Variants in CNTNAP2 observed in about 807,000 individuals in gnomAD.
The protein encoded by CNTNAP2 is contactin-associated protein-like 2.
A neutral mutation model predicts 155.2 loss-of-function variants in CNTNAP2; 98 were observed. The ratio of observed to expected loss-of-function variants is 0.63; its 90% CI spans 0.54 to 0.75. The LOEUF (loss-of-function observed/expected upper bound fraction) is 0.75, where lower values mean the gene tolerates loss of function less well. Ranked by LOEUF, CNTNAP2 falls within the 30% of genes least tolerant of loss-of-function variation. CNTNAP2 has a pLI of 0.00. For synonymous variants in CNTNAP2, 651 were observed against 631.2 expected (o/e 1.03, Z -0.47); for missense variants, 1,727 against 1,688.1 (o/e 1.02, Z -0.40).
At chr7:147,550,640 G>C (rs978513841) in intron 11 of CNTNAP2, among the ~76,000 whole-genome samples, 4 of 152,174 alleles carry the variant, frequency 2.6e-5, no homozygotes, top group Non-Finnish European at 5.9e-5. Context: ...GCTGATGTGG[G>C]GAGAGGAGCA....
chr7:147,358,123 T>A (rs1015928429), intron 9 of CNTNAP2, among the ~76,000 whole-genome samples: 1 of 152,152 alleles, frequency 6.6e-6, no homozygotes, highest in African/African-American at 2.4e-5. Context: ...AAATGTAACT[T>A]GAATGATAGC....
chr7:147,266,197 A>G lies in CNTNAP2; in HGVS notation c.1349-33944A>G, dbSNP rs150757555. 5.2e-3 allele frequency among the ~76,000 whole-genome samples: 797 copies of G among 152,318 alleles called. 10 individuals carry two copies. Among genetic ancestry groups the G allele is most frequent in the Middle Eastern group, 0.031 (9 of 294 alleles). On this transcript the variant is annotated intron_variant, in intron 8 of 23. Coordinates refer to ENST00000361727, the MANE Select transcript of CNTNAP2 (RefSeq NM_014141.6). ...TGAGTAATAACTGTTGAGCTAAAGA[A>G]GCATGTTCTAACCCAATACCAAAAA...
At chr7:146,985,343 A>T (rs9640488) in intron 3 of CNTNAP2, among the ~76,000 whole-genome samples, 5 of 139,804 alleles carry the variant, frequency 3.6e-5, no homozygotes, top group Non-Finnish European at 6.1e-5. Flanking sequence ...TTTTTGAGAC[A>T]GTCTTGCTCT....
chr7:146,927,936 TAGAG>T (rs556190245), intron 3 of CNTNAP2, among the ~76,000 whole-genome samples: 125 of 148,006 alleles, frequency 8.4e-4, no homozygotes, highest in Admixed American at 9.6e-4. Context: ...AGTGTATATA[TAGAG>T]AAAGTTATAT....
chr7:146,555,290 C>A (rs1406441724), intron 1 of CNTNAP2, among the ~76,000 whole-genome samples: 2 of 152,284 alleles, frequency 1.3e-5, no homozygotes, highest in East Asian at 3.9e-4. Context: ...GAAAAGAAAC[C>A]TTTGCTTTAG....
intron 12 of CNTNAP2, among the ~76,000 whole-genome samples, chr7:147,628,570 A>G (rs923099610): frequency 1.3e-5 from 2 of 152,194 alleles, no homozygotes; most frequent in Non-Finnish European, 2.9e-5. Context: ...TTAAAACAAA[A>G]CATAAGGTAT....
chr7:147,329,706 G>T (rs1214446120), intron 9 of CNTNAP2, among the ~76,000 whole-genome samples: 3 of 151,354 alleles, frequency 2.0e-5, no homozygotes, highest in Non-Finnish European at 4.4e-5. Context: ...CTTGATATAT[G>T]GTTCTTACTT....
At chr7:146,950,654 T>C (rs1797291473) in intron 3 of CNTNAP2, among the ~76,000 whole-genome samples, 6 of 152,216 alleles carry the variant, frequency 3.9e-5, no homozygotes, top group Non-Finnish European at 7.3e-5. Flanking sequence ...TAATATTCCA[T>C]GGTGTATATG....
intron 11 of CNTNAP2, among the ~76,000 whole-genome samples, chr7:147,498,181 A>AAG (rs1347184201): frequency 4.1e-4 from 62 of 150,932 alleles, no homozygotes; most frequent in Non-Finnish European, 6.6e-4. Context: ...TAAAAAAAAA[A>AAG]AAAAAAAAAA....
chr7:147,362,208 C>G (rs1412327651), intron 9 of CNTNAP2, among the ~76,000 whole-genome samples: 1 of 152,200 alleles, frequency 6.6e-6, no homozygotes, highest in Non-Finnish European at 1.5e-5. Context: ...TCACAGCTCA[C>G]TACAGCCTCA....
At chr7:146,865,591 C>T (rs1795189155) in intron 3 of CNTNAP2, among the ~76,000 whole-genome samples, 1 of 151,898 alleles carries the variant, frequency 6.6e-6, no homozygotes, top group Non-Finnish European at 1.5e-5. Context: ...AAATGATATC[C>T]ATATGGAGAA....
chr7:146,499,578 T>TA (rs1167809424), intron 1 of CNTNAP2, among the ~76,000 whole-genome samples: 5 of 152,256 alleles, frequency 3.3e-5, no homozygotes, highest in African/African-American at 9.6e-5. Context: ...TTCTTTTTTT[T>TA]ATCCCTCCCC....
At chr7:147,416,057 T>G (rs988465101) in intron 10 of CNTNAP2, among the ~76,000 whole-genome samples, 5 of 152,216 alleles carry the variant, frequency 3.3e-5, no homozygotes, top group Admixed American at 3.3e-4. Flanking sequence ...TGCTTATAGT[T>G]TTTGCAGTCT....
intron 1 of CNTNAP2, among the ~76,000 whole-genome samples, chr7:146,539,399 C>A (rs998135498): frequency 2.0e-5 from 3 of 151,922 alleles, no homozygotes; most frequent in Non-Finnish European, 4.4e-5. Context: ...GGACAAAAAA[C>A]CAACCCATCC....
intron 13 of CNTNAP2, among the ~76,000 whole-genome samples, chr7:147,900,040 C>A (rs532081346): frequency 4.6e-5 from 7 of 152,302 alleles, no homozygotes; most frequent in African/African-American, 1.2e-4. Flanking sequence ...TCTCTAGTGA[C>A]CTTCCAGCTG....
intron 2 of CNTNAP2, among the ~76,000 whole-genome samples, chr7:146,791,515 A>G (rs374992363): frequency 6.6e-6 from 1 of 152,218 alleles, no homozygotes; most frequent in Admixed American, 6.5e-5. Flanking sequence ...AGAGATGCCA[A>G]TCAGAACTCA....
chr7:147,913,720 ACT>A (rs1800109130), intron 14 of CNTNAP2, among the ~76,000 whole-genome samples: 1 of 152,108 alleles, frequency 6.6e-6, no homozygotes, highest in South Asian at 2.1e-4. Context: ...CTCCTCCAAC[ACT>A]CAGCCAGTTA....
intron 9 of CNTNAP2, among the ~76,000 whole-genome samples, chr7:147,329,270 T>A (rs943260080): frequency 6.6e-6 from 1 of 152,076 alleles, no homozygotes; most frequent in African/African-American, 2.4e-5. Context: ...CTTTTATAAT[T>A]CTTACACATT....
intron 13 of CNTNAP2, among the ~76,000 whole-genome samples, chr7:147,819,695 G>A (rs2116619716): frequency 6.6e-6 from 1 of 152,162 alleles, no homozygotes; most frequent in Middle Eastern, 3.4e-3. Flanking sequence ...CAATTCCTAG[G>A]TCATCAGTGC....
Sources: allele counts gnomAD v4.1 joint callset (sites outside exome capture counted in the v4.1 genomes callset), GRCh38; gene constraint gnomAD v4.1.1; transcripts MANE v1.5; gene names NCBI Gene and HGNC (gene_info 2026-07-23, HGNC 2026-07-21).